Variants in CCL15 observed in about 807,000 individuals in gnomAD.
The protein encoded by CCL15 is C-C motif chemokine 15.
CCL15 carries 8 observed loss-of-function variants against 10.6 expected under a neutral mutation model. The observed-to-expected ratio is 0.75, with a 90% CI of 0.44 to 1.36. The LOEUF (loss-of-function observed/expected upper bound fraction) is 1.36, where lower values mean the gene tolerates loss of function less well. Among genes scored for constraint, CCL15 ranks in the 40% most tolerant of loss-of-function variants. The pLI is 0.00. For missense variants in CCL15, 128 were observed against 136.6 expected, an observed-to-expected ratio of 0.94 and a Z score of 0.32; for synonymous variants, 51 against 48.8, an observed-to-expected ratio of 1.04 and a Z score of -0.19.
At chr17:35,999,442 A>G (rs1200617056) in intron 1 of CCL15, among the ~76,000 whole-genome samples, 1 of 151,388 alleles carries the variant, frequency 6.6e-6, no homozygotes, top group East Asian at 1.9e-4. Context: ...AAGGATAAGT[A>G]CCATCTAGGT....
rs756688709 is a variant in CCL15 at position 35,998,403 on chromosome 17, GA to G, written c.137-13del. On this transcript the variant is annotated splice_polypyrimidine_tract_variant and intron_variant, in intron 2 of 3. Transcript: ENST00000617897. ...AGCAAAGTGAAAGCCTGCAGCAAGA[GA>G]AAGCGTCATCTGAGGGCAAATCTTT... 4 of 1,588,396 alleles carry G rather than the reference GA, an allele frequency of 2.5e-6. No homozygotes were observed. The highest frequency in any genetic ancestry group is 3.5e-6 in the Non-Finnish European group (4 of 1,157,598).
chr17:35,998,718 T>G, intron 2 of CCL15, 148 bp downstream of exon 2: 1 of 705,306 alleles, frequency 1.4e-6, no homozygotes, highest in East Asian at 2.7e-5. Flanking sequence ...GGGGTCCCCC[T>G]ACCCTGTCCT....
rs755757238 is a variant in CCL15 at position 36,001,533 on chromosome 17, C to A, written c.-41G>T. ...GCAGGGCTGGCCGAGGACTCCTGGG[C>A]TCACTGCTTCCTGGCTCCCCGGGAT... is the stretch of plus-strand genomic sequence containing the variant. On this transcript the variant is annotated 5_prime_UTR_variant, in exon 1 of 4. Transcript: ENST00000617897. 3.7e-6 allele frequency: 6 copies of A among 1,610,788 alleles called. No individual in the cohort carries two copies. Among genetic ancestry groups the A allele is most frequent in the Middle Eastern group, 2.1e-4 (1 of 4,728 alleles).
In CCL15 at chr17:35,998,906, CA is replaced by C; in HGVS notation, c.95del (p.Met32ArgfsTer11). 1 of 1,613,998 alleles carries C rather than the reference CA, an allele frequency of 6.2e-7. No individual in the cohort carries two copies. Among genetic ancestry groups the C allele is most frequent in the Non-Finnish European group, 8.5e-7 (1 of 1,179,804 alleles). ...QFTNDAETELMMSKLPLENPV... is the reference protein window; with the variant it reads ...QFTNDAETELXMSKLPLENPV... ...GATTTTCCAGTGGAAGCTTTGACATCATTAACTCTGTCTCTGCATCTGAAAG... is the reference window on the plus strand; with the variant it reads ...GATTTTCCAGTGGAAGCTTTGACATCTTAACTCTGTCTCTGCATCTGAAAG... On this transcript the variant is annotated frameshift_variant, in exon 2 of 4. Transcript: ENST00000617897. LOFTEE classifies it high-confidence loss of function.
rs369824502 is a variant in CCL15, at chr17:35,997,726, G to T, written c.*41C>A. 2 of 1,174,132 alleles carry T rather than the reference G, an allele frequency of 1.7e-6. No homozygotes were observed. Among genetic ancestry groups the T allele is most frequent in the South Asian group, 2.4e-5 (2 of 82,094 alleles). 72.7% of individuals were successfully genotyped at this position (1,174,132 alleles called of 1,614,324 possible). A position where few individuals can be genotyped will look rare whatever the true frequency, so the allele number is the denominator to read the frequency against. On this transcript the variant is annotated 3_prime_UTR_variant, in exon 4 of 4. Coordinates refer to ENST00000617897, the MANE Select transcript of CCL15 (RefSeq NM_032965.6). ...TTTCAGACCAAGAAACTCACAGGAGGTGTTGGAGGTGGGTGGCTGGCCTCT... is the reference window on the plus strand; with the variant it reads ...TTTCAGACCAAGAAACTCACAGGAGTTGTTGGAGGTGGGTGGCTGGCCTCT...
At chr17:36,001,161 A>T (rs547247158) in intron 1 of CCL15, among the ~76,000 whole-genome samples, 2 of 152,348 alleles carry the variant, frequency 1.3e-5, no homozygotes, top group South Asian at 4.1e-4. Context: ...CAGCTAAAAT[A>T]TCAGCTAAGG....
chr17:35,997,621 C>T lies in CCL15; in HGVS notation c.*146G>A. The T allele has an allele frequency of 1.7e-6, 1 of 571,460 alleles. No individual in the cohort carries two copies. Among genetic ancestry groups the T allele is most frequent in the Non-Finnish European group, 3.1e-6 (1 of 325,296 alleles). The allele number at this position is 571,460 out of a possible 1,614,324, so 35.4% of individuals were successfully genotyped here. A position where few individuals can be genotyped will look rare whatever the true frequency, so the allele number is the denominator to read the frequency against. ...AGTTTATTTCCTCTTAAAACTCAAG[C>T]AAAGTTAAAAAATTGAATACTCTTT... is the stretch of plus-strand genomic sequence containing the variant. On this transcript the variant is annotated 3_prime_UTR_variant, in exon 4 of 4. Coordinates refer to ENST00000617897, the MANE Select transcript of CCL15 (RefSeq NM_032965.6).
rs765409850 is a variant in CCL15, at chr17:35,998,398, C to A, written c.137-7G>T. ...TCAGCAGCAAAGTGAAAGCCTGCAG[C>A]AAGAGAAAGCGTCATCTGAGGGCAA... On this transcript the variant is annotated splice_polypyrimidine_tract_variant and splice_region_variant and intron_variant, in intron 2 of 3. Coordinates refer to ENST00000617897, the MANE Select transcript of CCL15 (RefSeq NM_032965.6). 1 of 1,597,856 alleles carries A rather than the reference C, an allele frequency of 6.3e-7. No individual in the cohort carries two copies.
intron 1 of CCL15, 107 bp from the exon 2 acceptor site, chr17:35,999,032 A>G: frequency 1.1e-6 from 1 of 889,810 alleles, no homozygotes; most frequent in Non-Finnish European, 1.9e-6. Flanking sequence ...GAGGCTCTGA[A>G]GCTGGACCAC....
chr17:36,000,404 A>G (rs894421149), intron 1 of CCL15, among the ~76,000 whole-genome samples: 1 of 146,796 alleles, frequency 6.8e-6, no homozygotes, highest in Non-Finnish European at 1.5e-5. Flanking sequence ...CAGAGCTTTC[A>G]GTGATCCGAG....
chr17:36,001,367 C>T, intron 1 of CCL15, 50 bp downstream of exon 1: 1 of 1,610,878 alleles, frequency 6.2e-7, no homozygotes, highest in Non-Finnish European at 8.5e-7. Flanking sequence ...CGTCCCAGAG[C>T]TTGAGTTACC....
At chr17:35,999,980 T>A (rs2142013715) in intron 1 of CCL15, among the ~76,000 whole-genome samples, 1 of 145,868 alleles carries the variant, frequency 6.9e-6, no homozygotes, top group African/African-American at 2.6e-5. Context: ...TGAAACCCCA[T>A]CTCTACTAAA....
chr17:36,000,843 C>A (rs1029883712), intron 1 of CCL15, among the ~76,000 whole-genome samples: 1 of 151,990 alleles, frequency 6.6e-6, no homozygotes, highest in Non-Finnish European at 1.5e-5. Context: ...GACTCCTGCC[C>A]GTGACTCCTG....
chr17:35,998,719 A>T, intron 2 of CCL15, 147 bp downstream of exon 2: 2 of 718,290 alleles, frequency 2.8e-6, no homozygotes, highest in Non-Finnish European at 4.9e-6. Flanking sequence ...GGGTCCCCCT[A>T]CCCTGTCCTG....
chr17:36,001,394 G>C, intron 1 of CCL15, 23 bp downstream of exon 1: 1 of 1,613,880 alleles, frequency 6.2e-7, no homozygotes, highest in Non-Finnish European at 8.5e-7. Flanking sequence ...CTGGTCACCT[G>C]GGAGAAAGCT....
intron 1 of CCL15, among the ~76,000 whole-genome samples, chr17:36,000,331 G>A (rs2089977780): frequency 1.3e-5 from 2 of 151,294 alleles, no homozygotes; most frequent in African/African-American, 4.9e-5. Context: ...GGGCTTGGTG[G>A]CGCATGCCTT....
At chr17:36,001,218 C>T (rs77865185) in intron 1 of CCL15, among the ~76,000 whole-genome samples, 199 bp downstream of exon 1, 4,926 of 152,296 alleles carry the variant, frequency 0.032, 98 homozygotes, top group Admixed American at 0.06. Context: ...TAATTGGCCC[C>T]AAATGGGACC....
rs762805955 is a variant in CCL15, at chr17:35,997,710, A to C, written c.*57T>G. 1 of 1,034,788 alleles carries C rather than the reference A, an allele frequency of 9.7e-7. No homozygotes were observed. The highest frequency in any genetic ancestry group is 1.5e-6 in the Non-Finnish European group (1 of 655,972). The allele number at this position is 1,034,788 out of a possible 1,614,324, so 64.1% of individuals were successfully genotyped here. A position where few individuals can be genotyped will look rare whatever the true frequency, so the allele number is the denominator to read the frequency against. ...ATATATTTTTTAAGTATTTCAGACC[A>C]AGAAACTCACAGGAGGTGTTGGAGG... On this transcript the variant is annotated 3_prime_UTR_variant, in exon 4 of 4. Coordinates refer to ENST00000617897, the MANE Select transcript of CCL15 (RefSeq NM_032965.6).
chr17:36,000,592 G>C (rs114223274), intron 1 of CCL15, among the ~76,000 whole-genome samples: 1 of 151,406 alleles, frequency 6.6e-6, no homozygotes, highest in Non-Finnish European at 1.5e-5. Context: ...GAGCCCATAT[G>C]CCCATCCACC....
Sources: allele counts gnomAD v4.1 joint callset (sites outside exome capture counted in the v4.1 genomes callset), GRCh38; gene constraint gnomAD v4.1.1; transcripts MANE v1.5; gene names NCBI Gene and HGNC (gene_info 2026-07-23, HGNC 2026-07-21).